The following PACS2 variants were observed in gnomAD, a reference collection of about 807,000 sequenced individuals.
PACS2 encodes phosphofurin acidic cluster sorting protein 2, also known as PACS1-like protein.
PACS2 carries 36 observed loss-of-function variants against 113.0 expected under a neutral mutation model. The observed-to-expected ratio is 0.32, with a 90% confidence interval of 0.24 to 0.42. PACS2 has a LOEUF of 0.42. PACS2 is among the 10% of genes least tolerant of loss of function. PACS2 has a pLI of 1.00. For missense variants in PACS2, 1,015 were observed against 1,239.5 expected, an observed-to-expected ratio of 0.82 and a Z score of 2.72; for synonymous variants, 589 against 536.1, an observed-to-expected ratio of 1.10 and a Z score of -1.36.
At position 105,357,718 on chromosome 14, in the gene PACS2, T is replaced by C. The variant is rs1555405572; in HGVS notation, c.423+2541T>C. 6.6e-6 allele frequency among the ~76,000 whole-genome samples: 1 copy of C among 151,988 alleles called. No homozygotes were observed. The highest frequency in any genetic ancestry group is 6.6e-5 in the Admixed American group (1 of 15,262). On this transcript the variant is annotated intron_variant, in intron 4 of 24. Transcript: ENST00000447393. The surrounding 1 kb of genome is among the most constrained non-coding windows in gnomAD (Gnocchi z 5.1). ...GACACAGGTGGCAGAGGTGGGGGGCTCTCACCAGCTGGGCTCAGGCAGCTG... is the reference window on the plus strand; with the variant it reads ...GACACAGGTGGCAGAGGTGGGGGGCCCTCACCAGCTGGGCTCAGGCAGCTG...
In PACS2 at chr14:105,334,333, G is replaced by A. The variant is rs1323829648; in HGVS notation, c.120-14160G>A. ...CAGCGTGGCCAGGAGAGCATTGGAAGGAGAGAGCTGTTCCCACCTTGAGGC... is the reference window on the plus strand; with the variant it reads ...CAGCGTGGCCAGGAGAGCATTGGAAAGAGAGAGCTGTTCCCACCTTGAGGC... On this transcript the variant is annotated intron_variant, in intron 1 of 24. Coordinates refer to ENST00000447393, the MANE Select transcript of PACS2 (RefSeq NM_001100913.3). Among the ~76,000 whole-genome samples, 25 of 152,238 alleles carry A rather than the reference G, an allele frequency of 1.6e-4. 1 individual carries two copies. Among genetic ancestry groups the A allele is most frequent in the Admixed American group, 1.5e-3 (23 of 15,292 alleles).
At chr14:105,352,529 C>T (rs889534662) in intron 3 of PACS2, 62 bp downstream of exon 3, 3 of 959,556 alleles carry the variant, frequency 3.1e-6, no homozygotes, top group East Asian at 2.4e-5. Context: ...ACGGGCCCCC[C>T]TCATCACTGT....
Position 105,314,850 on chromosome 14 carries a change from G to C in PACS2, c.-69G>C. On this transcript the variant is annotated 5_prime_UTR_variant, in exon 1 of 25. Transcript: ENST00000447393. The stretch of plus-strand genomic sequence containing the variant: ...CGCGCCGCCGCCCTCCGCGCGCCCG[G>C]CCCGCCCGCCGCGCGTCCGCGGCCC... The C allele has an allele frequency of 1.4e-6, 1 of 690,144 alleles. No homozygotes were observed. The highest frequency in any genetic ancestry group is 1.8e-6 in the Non-Finnish European group (1 of 565,784). The allele number at this position is 690,144 out of a possible 1,614,324, so 42.8% of individuals were successfully genotyped here.
chr14:105,342,452 A>G (rs949296287), intron 1 of PACS2, among the ~76,000 whole-genome samples: 6 of 151,632 alleles, frequency 4.0e-5, no homozygotes, highest in African/African-American at 1.5e-4. Flanking sequence ...ATTTTTTTGT[A>G]GAGACAGGGT....
At position 105,380,110 on chromosome 14, in the gene PACS2, G is replaced by A; in HGVS notation, c.1081G>A (p.Gly361Arg). 1 of 1,553,382 alleles carries A rather than the reference G, an allele frequency of 6.4e-7. No homozygotes were observed. Among genetic ancestry groups the A allele is most frequent in the Non-Finnish European group, 8.7e-7 (1 of 1,148,268 alleles). The change falls in exon 11 of 25, where the codon GGA becomes AGA. Residue 361 changes from glycine (G) to arginine (R), a missense_variant. By Grantham distance (125) the Gly-to-Arg change is moderately radical. Around this residue, in one of 3 missense-constraint regions of PACS2, gnomAD observed 859 missense variants for 1,056.8 expected, o/e 0.81. Transcript: ENST00000447393. The part of the protein sequence containing the change: ...ADVPEKTRSL[G>R]GRQPSDSVSD... ...CGTGCCCGAGAAGACGCGGTCCCTG[G>A]GAGGCAGGCAGCCGAGCGACAGTGT...
At chr14:105,305,837 C>T (rs1056727548) in intron 1 of PACS2, among the ~76,000 whole-genome samples, 10 of 152,382 alleles carry the variant, frequency 6.6e-5, no homozygotes, top group Admixed American at 6.5e-4. Context: ...GGGCACCCAG[C>T]ACCAGCTTCC....
At chr14:105,342,230 CTGTGTGTGTGTGTGTGTGTGTGTG>C (rs373390359) in intron 1 of PACS2, among the ~76,000 whole-genome samples, 2 of 140,248 alleles carry the variant, frequency 1.4e-5, no homozygotes, top group East Asian at 4.2e-4. Flanking sequence ...AAGCTGCTGC[CTGTGTGTGTGTGTGTGTGTGTGTG>C]TGTGTGTGTG....
chr14:105,368,449 G>A lies in PACS2; in HGVS notation c.661-10G>A, dbSNP rs375982832. 1 of 1,609,516 alleles carries A rather than the reference G, an allele frequency of 6.2e-7. No homozygotes were observed. The highest frequency in any genetic ancestry group is 1.3e-5 in the African/African-American group (1 of 74,860). ...TGCCGTGGCCTCAGCCACTGCATAT[G>A]TCTCTGCAGGACTTGGACGAGGACG... On this transcript the variant is annotated splice_polypyrimidine_tract_variant and intron_variant, in intron 6 of 24. Coordinates refer to ENST00000447393, the MANE Select transcript of PACS2 (RefSeq NM_001100913.3).
intron 19 of PACS2, 30 bp from the exon 20 acceptor site, chr14:105,389,931 G>T (rs370706636): frequency 1.2e-6 from 2 of 1,607,408 alleles, no homozygotes; most frequent in African/African-American, 1.3e-5. Flanking sequence ...GCCCTGAGGA[G>T]AGCTTAACTG....
rs587761211 is a variant in PACS2, at chr14:105,364,524, C to T, written c.424-2689C>T. 8.1e-5 allele frequency among the ~76,000 whole-genome samples: 12 copies of T among 148,696 alleles called. No homozygotes were observed. In the South Asian group the frequency reaches 2.3e-3, roughly 28 times the overall value. ...CGCGGTGGGCGGTGGCCTGGGTGCGCGGTGGGCGGCACCATCCAGGCTTGC... is the reference window on the plus strand; with the variant it reads ...CGCGGTGGGCGGTGGCCTGGGTGCGTGGTGGGCGGCACCATCCAGGCTTGC... On this transcript the variant is annotated intron_variant, in intron 4 of 24. Coordinates refer to ENST00000447393, the MANE Select transcript of PACS2 (RefSeq NM_001100913.3).
chr14:105,309,431 G>A (rs2058283962), upstream of PACS2, among the ~76,000 whole-genome samples: 1 of 152,222 alleles, frequency 6.6e-6, no homozygotes, highest in African/African-American at 2.4e-5. The surrounding 1 kb of genome is among the most constrained non-coding windows in gnomAD (Gnocchi z 4.0). Context: ...GGGTGGATGT[G>A]CCAGGGCAAG....
intron 9 of PACS2, among the ~76,000 whole-genome samples, chr14:105,377,312 T>C (rs1555410718): frequency 6.6e-6 from 1 of 150,894 alleles, no homozygotes; most frequent in South Asian, 2.1e-4. Context: ...CCATGCTGGG[T>C]GCCCCTCCCT....
chr14:105,368,679 C>G (rs1452839910), intron 7 of PACS2, 140 bp downstream of exon 7: 9 of 675,876 alleles, frequency 1.3e-5, no homozygotes, highest in Non-Finnish European at 1.9e-5. Flanking sequence ...GGCAGACCCC[C>G]TGATTGCCAG....
At chr14:105,314,274 G>A (rs1234224956), upstream of PACS2, 1 of 151,960 alleles carries the variant, frequency 6.6e-6, no homozygotes, top group East Asian at 1.9e-4. Context: ...GGCGAGGGCA[G>A]GGGGGCGGGG....
chr14:105,347,380 C>T (rs2059980840), intron 1 of PACS2, among the ~76,000 whole-genome samples: 1 of 152,140 alleles, frequency 6.6e-6, no homozygotes, highest in Non-Finnish European at 1.5e-5. Flanking sequence ...TGTCCACACC[C>T]AATGCCCAGG....
rs76498547 is a variant in PACS2 at position 105,385,936 on chromosome 14, G to A, written c.2033+219G>A. 6.8e-3 allele frequency among the ~76,000 whole-genome samples: 1,030 copies of A among 152,310 alleles called. 35 individuals carry two copies. Among genetic ancestry groups the A allele is most frequent in the Admixed American group, 0.047 (713 of 15,298 alleles). ...TGACGTGGACCCTTTTCCTCCATCCGATCTCTGACACTGAGTCAGGAGAGC... is the reference window on the plus strand; with the variant it reads ...TGACGTGGACCCTTTTCCTCCATCCAATCTCTGACACTGAGTCAGGAGAGC... On this transcript the variant is annotated intron_variant, in intron 19 of 24. Coordinates refer to ENST00000447393, the MANE Select transcript of PACS2 (RefSeq NM_001100913.3).
rs1595589140 is a variant in PACS2 at position 105,330,445 on chromosome 14, C to T, written c.119+15408C>T. Among the ~76,000 whole-genome samples the T allele has an allele frequency of 6.6e-6, 1 of 152,188 alleles. No homozygotes were observed. Among genetic ancestry groups the T allele is most frequent in the Admixed American group, 6.5e-5 (1 of 15,288 alleles). On this transcript the variant is annotated intron_variant, in intron 1 of 24. Transcript: ENST00000447393. This position sits in a 1 kb window ranked among gnomAD's most constrained non-coding sequence, Gnocchi z 6.9. ...CACTATAGTGATGTCCTGCCTTAGA[C>T]GAGGTCACACAGGGGAAGGTTACTG...
At chr14:105,380,926 G>A (rs781833963) in intron 11 of PACS2, 31 bp from the exon 12 acceptor site, 44 of 1,587,318 alleles carry the variant, frequency 2.8e-5, no homozygotes, top group Admixed American at 5.1e-5. Flanking sequence ...TGGTTTCCAC[G>A]GGAGGCTCCA....
intron 4 of PACS2, among the ~76,000 whole-genome samples, chr14:105,364,224 CAG>C (rs1205359998): frequency 2.0e-5 from 3 of 152,110 alleles, no homozygotes; most frequent in African/African-American, 7.3e-5. Flanking sequence ...CTGTAAAAAA[CAG>C]AAGATCAGCA....
Sources: allele counts gnomAD v4.1 joint callset (sites outside exome capture counted in the v4.1 genomes callset), GRCh38; gene constraint gnomAD v4.1.1; regional missense constraint gnomAD v4.1.1; non-coding constraint Gnocchi (gnomAD v3.1); transcripts MANE v1.5; gene names NCBI Gene and HGNC (gene_info 2026-07-23, HGNC 2026-07-21).